The following LAT2 variants were observed in gnomAD, a reference collection of about 807,000 sequenced individuals.
LAT2 encodes linker for activation of T-cells family member 2.
LAT2 carries 23 observed loss-of-function variants against 43.4 expected under a neutral mutation model. The ratio of observed to expected loss-of-function variants is 0.53; its 90% confidence interval spans 0.38 to 0.75. LAT2 has a LOEUF of 0.75. Ranked by LOEUF, LAT2 falls within the 30% of genes least tolerant of loss-of-function variation. The pLI is 0.00. For missense variants in LAT2, 284 were observed against 310.2 expected, an observed-to-expected ratio of 0.92 and a Z score of 0.64; for synonymous variants, 128 against 123.2, an observed-to-expected ratio of 1.04 and a Z score of -0.26.
intron 10 of LAT2, among the ~76,000 whole-genome samples, chr7:74,222,879 G>C (rs2116174877): frequency 6.6e-6 from 1 of 152,314 alleles, no homozygotes; most frequent in East Asian, 1.9e-4. Flanking sequence ...CAGGCTGGCA[G>C]TGCTCATTTC....
rs1204954494 is a variant in LAT2 at position 74,229,608 on chromosome 7, A to G, written c.*683A>G. ...TGTCACTTGCTACAGACAATAGTGCATGAGAGTCTAGAGAAGTAGTGACCA... is the reference window on the plus strand; with the variant it reads ...TGTCACTTGCTACAGACAATAGTGCGTGAGAGTCTAGAGAAGTAGTGACCA... On this transcript the variant is annotated 3_prime_UTR_variant, in exon 14 of 14. Transcript: ENST00000460943. The G allele has an allele frequency of 6.6e-6, 1 of 152,666 alleles. No individual in the cohort carries two copies. The highest frequency in any genetic ancestry group is 2.1e-4 in the South Asian group (1 of 4,836). The allele number at this position is 152,666 out of a possible 1,614,324, so 9.5% of individuals were successfully genotyped here.
intron 10 of LAT2, 64 bp from the exon 11 acceptor site, chr7:74,223,660 G>A: frequency 1.4e-6 from 2 of 1,467,380 alleles, no homozygotes; most frequent in Non-Finnish European, 1.9e-6. Context: ...GACAGAGCGG[G>A]AGGATGAGCC....
rs1460644160 is a variant in LAT2, at chr7:74,220,163, G to T, written c.228-54G>T. 6.4e-7 allele frequency: 1 copy of T among 1,572,354 alleles called. No individual in the cohort carries two copies. Among genetic ancestry groups the T allele is most frequent in the South Asian group, 1.2e-5 (1 of 85,732 alleles). ...AGGGGTATGGGGGGATGTGTCCTGG[G>T]GGGCCTCTCCCCTACAGCCCCTCCT... On this transcript the variant is annotated intron_variant, in intron 6 of 13. Transcript: ENST00000460943. The surrounding 1 kb of genome is among the most constrained non-coding windows in gnomAD (Gnocchi z 4.5).
At chr7:74,221,019 GCAT>G (rs1480959665) in intron 9 of LAT2, among the ~76,000 whole-genome samples, 4 of 152,142 alleles carry the variant, frequency 2.6e-5, no homozygotes, top group Non-Finnish European at 5.9e-5. Flanking sequence ...GACTCATTCA[GCAT>G]CACCCAGTCA....
At position 74,224,146 on chromosome 7, in the gene LAT2, T is replaced by TATC. The variant is rs1802396228; in HGVS notation, c.579_581dup (p.Tyr193_Gln194insHis). On this transcript the variant is annotated inframe_insertion, in exon 12 of 14. Coordinates refer to ENST00000460943, the MANE Select transcript of LAT2 (RefSeq NM_032464.3). ...GGAAGAAGATGAGGAATCTGAGGAT[T>TATC]ATCAGAACTCAGCATCCATCCATCA... 6.2e-7 allele frequency: 1 copy of TATC among 1,614,072 alleles called. No homozygotes were observed. Among genetic ancestry groups the TATC allele is most frequent in the Non-Finnish European group, 8.5e-7 (1 of 1,180,034 alleles).
chr7:74,217,184 C>T (rs1802076638), intron 4 of LAT2, among the ~76,000 whole-genome samples: 2 of 152,144 alleles, frequency 1.3e-5, no homozygotes, highest in East Asian at 1.9e-4. Context: ...GTAATCCCAG[C>T]ACTTTGGGAG....
rs1554714895 is a variant in LAT2, at chr7:74,220,025, C to A, written c.227+17C>A. The A allele has an allele frequency of 6.2e-7, 1 of 1,612,802 alleles. No homozygotes were observed. On this transcript the variant is annotated intron_variant, in intron 6 of 13. Transcript: ENST00000460943. The surrounding 1 kb of genome is among the most constrained non-coding windows in gnomAD (Gnocchi z 4.5). ...ACCCACAAGGTAGGTCACAGTCCCC[C>A]AGGAAGTGACAAGAATGAAAGTCCT...
Position 74,220,111 on chromosome 7 carries a change from C to T in LAT2, c.227+103C>T. On this transcript the variant is annotated intron_variant, in intron 6 of 13. Coordinates refer to ENST00000460943, the MANE Select transcript of LAT2 (RefSeq NM_032464.3). The surrounding 1 kb of genome is among the most constrained non-coding windows in gnomAD (Gnocchi z 4.5). Reference sequence around the variant, plus strand: ...CCCTCCCTCCCCGAGTCCCAGAGCTCCAGGGCTCAGCTATGAAGGCCCCAC... The same window carrying T: ...CCCTCCCTCCCCGAGTCCCAGAGCTTCAGGGCTCAGCTATGAAGGCCCCAC... The T allele has an allele frequency of 6.4e-7, 1 of 1,565,246 alleles. No individual in the cohort carries two copies. Among genetic ancestry groups the T allele is most frequent in the South Asian group, 1.2e-5 (1 of 86,492 alleles).
intron 4 of LAT2, among the ~76,000 whole-genome samples, chr7:74,219,123 G>A (rs936058311): frequency 3.0e-5 from 4 of 134,790 alleles, no homozygotes; most frequent in African/African-American, 8.3e-5. Flanking sequence ...TGCAAGCTCC[G>A]CTTCCCGGGT....
chr7:74,214,414 AT>A (rs1554713777), intron 1 of LAT2, among the ~76,000 whole-genome samples: 5 of 70,668 alleles, frequency 7.1e-5, no homozygotes, highest in African/African-American at 2.7e-4. Flanking sequence ...AAATATATAT[AT>A]AAATATATAT....
intron 1 of LAT2, among the ~76,000 whole-genome samples, chr7:74,214,053 TATATGAAAAAATATATATAA>T (rs1563966438): frequency 7.5e-6 from 1 of 133,540 alleles, no homozygotes; most frequent in African/African-American, 2.9e-5. Context: ...TATATATATA[TATATGAAAAAATATATATAA>T]ATATATATAT....
chr7:74,219,692 C>T, intron 4 of LAT2, 52 bp from the exon 5 acceptor site: 1 of 1,609,724 alleles, frequency 6.2e-7, no homozygotes, highest in South Asian at 1.1e-5. Flanking sequence ...TCCCTGTGTT[C>T]TTGGGCTGTG....
rs1275494323 is a variant in LAT2, at chr7:74,220,680, C to A, written c.302-24C>A. On this transcript the variant is annotated intron_variant, in intron 8 of 13. Transcript: ENST00000460943. The surrounding 1 kb of genome is among the most constrained non-coding windows in gnomAD (Gnocchi z 4.5). ...TGGGGGCCACACCCAGGGGCTCAGG[C>A]CCAATTCTCGCCTCCTCCCGCAGGA... is the stretch of plus-strand genomic sequence containing the variant. 3 of 1,612,366 alleles carry A rather than the reference C, an allele frequency of 1.9e-6. No homozygotes were observed. Among genetic ancestry groups the A allele is most frequent in the Non-Finnish European group, 1.7e-6 (2 of 1,178,714 alleles).
intron 4 of LAT2, among the ~76,000 whole-genome samples, chr7:74,218,746 G>C (rs1300434824): frequency 6.6e-6 from 1 of 152,184 alleles, no homozygotes; most frequent in Non-Finnish European, 1.5e-5. Flanking sequence ...GTTCAGGCTG[G>C]AGTGCAGTAG....
At chr7:74,214,103 TATATATATGAAAATATATATATAA>T (rs1563966618) in intron 1 of LAT2, among the ~76,000 whole-genome samples, 3 of 115,716 alleles carry the variant, frequency 2.6e-5, no homozygotes, top group African/African-American at 1.1e-4. Context: ...TATATATAAA[TATATATATGAAAATATATATATAA>T]ATATATATAT....
Position 74,219,734 on chromosome 7 carries a change from G to A in LAT2, c.135-10G>A, listed in dbSNP as rs376168662. 26 of 1,613,996 alleles carry A rather than the reference G, an allele frequency of 1.6e-5. No individual in the cohort carries two copies. The African/African-American group carries it at 3.3e-4, about 21-fold the overall frequency. On this transcript the variant is annotated splice_polypyrimidine_tract_variant and intron_variant, in intron 4 of 13. Coordinates refer to ENST00000460943, the MANE Select transcript of LAT2 (RefSeq NM_032464.3). ...CAGGCCCAGGCTCAGCACAGCCCATGCATTTCCAGGCGTGAGGACCAACAG... is the reference window on the plus strand; with the variant it reads ...CAGGCCCAGGCTCAGCACAGCCCATACATTTCCAGGCGTGAGGACCAACAG...
intron 1 of LAT2, among the ~76,000 whole-genome samples, chr7:74,214,251 T>A (rs868968398): frequency 2.6e-5 from 2 of 76,618 alleles, no homozygotes; most frequent in East Asian, 4.0e-4. Flanking sequence ...AATATATATA[T>A]AAATATATAT....
chr7:74,224,491 G>C (rs2116186452), intron 12 of LAT2, 148 bp from the exon 13 acceptor site: 3 of 718,290 alleles, frequency 4.2e-6, no homozygotes, highest in Admixed American at 4.4e-5. Flanking sequence ...AAATCCCAGA[G>C]ACAGGACAGA....
At position 74,229,232 on chromosome 7, in the gene LAT2, T is replaced by A. The variant is rs1251240107; in HGVS notation, c.*307T>A. Reference sequence around the variant, plus strand: ...ATGGACGGATGCGCAGGATTTAGGATAAGCTGTCACCCAGTCCCCATAACA... The same window carrying A: ...ATGGACGGATGCGCAGGATTTAGGAAAAGCTGTCACCCAGTCCCCATAACA... On this transcript the variant is annotated 3_prime_UTR_variant, in exon 14 of 14. Coordinates refer to ENST00000460943, the MANE Select transcript of LAT2 (RefSeq NM_032464.3). 6.6e-6 allele frequency: 1 copy of A among 152,332 alleles called. No homozygotes were observed. The highest frequency in any genetic ancestry group is 1.5e-5 in the Non-Finnish European group (1 of 68,056). 9.4% of individuals were successfully genotyped at this position (152,332 alleles called of 1,614,324 possible). A position where few individuals can be genotyped will look rare whatever the true frequency, so the allele number is the denominator to read the frequency against.
Sources: gnomAD v4.1 joint callset for allele counts (sites outside exome capture counted in the v4.1 genomes callset) on GRCh38, gnomAD v4.1.1 for gene constraint, Gnocchi (gnomAD v3.1) non-coding constraint, MANE v1.5 for transcripts, NCBI Gene and HGNC (gene_info 2026-07-23, HGNC 2026-07-21) for gene names.